The following GRAMD4 variants were observed in gnomAD, a reference collection of about 807,000 sequenced individuals.
GRAMD4 encodes GRAM domain containing 4.
GRAMD4 carries 25 observed loss-of-function variants against 83.9 expected under a neutral mutation model. The observed-to-expected ratio is 0.30, with a 90% CI of 0.22 to 0.42. The LOEUF (loss-of-function observed/expected upper bound fraction) is 0.42, where lower values mean the gene tolerates loss of function less well. GRAMD4 is among the 10% of genes least tolerant of loss of function. The pLI is 1.00. For synonymous variants in GRAMD4, 336 were observed against 320.9 expected, an observed-to-expected ratio of 1.05 and a Z score of -0.50; for missense variants, 593 against 788.7, an observed-to-expected ratio of 0.75 and a Z score of 2.97.
At chr22:46,671,162 C>G (rs534351735) in intron 13 of GRAMD4, 95 of 454,436 alleles carry the variant, frequency 2.1e-4, no homozygotes, top group South Asian at 9.5e-4. Flanking sequence ...GGGTCGGCCA[C>G]CACGTGGAGG....
At position 46,677,232 on chromosome 22, in the gene GRAMD4, C is replaced by T. The variant is rs759310026; in HGVS notation, c.1718C>T (p.Ala573Val). Reference sequence around the variant, plus strand: ...TACATCAAGATCACCTCAGCGGCAGCGTCTGGCGGGGACAGCTAGTATTGA... The same window carrying T: ...TACATCAAGATCACCTCAGCGGCAGTGTCTGGCGGGGACAGCTAGTATTGA... Reference protein sequence around the residue: ...SQYIKITSAAASGGDS With the variant: ...SQYIKITSAAVSGGDS Residue 573 changes from alanine (A) to valine (V), a missense_variant, in exon 19 of 19, where the codon GCG becomes GTG. By Grantham distance (64) the Ala-to-Val change is moderately conservative. Transcript: ENST00000406902. 34 of 1,613,242 alleles carry T rather than the reference C, an allele frequency of 2.1e-5. No individual in the cohort carries two copies. The highest frequency in any genetic ancestry group is 1.2e-4 in the Admixed American group (7 of 59,988).
chr22:46,580,268 G>A (rs1374195113), intron 1 of GRAMD4, among the ~76,000 whole-genome samples: 3 of 152,210 alleles, frequency 2.0e-5, no homozygotes, highest in Admixed American at 6.5e-5. Context: ...TCTGCTGGGC[G>A]CCTCCGAGGC....
At chr22:46,636,041 C>CT (rs2081881882) in intron 2 of GRAMD4, among the ~76,000 whole-genome samples, 1 of 152,150 alleles carries the variant, frequency 6.6e-6, no homozygotes, top group Non-Finnish European at 1.5e-5. Context: ...TTCATGGGGA[C>CT]GTTTAGCCCC....
At position 46,665,624 on chromosome 22, in the gene GRAMD4, A is replaced by T. The variant is rs559948068; in HGVS notation, c.727A>T (p.Asn243Tyr). The T allele has an allele frequency of 6.3e-7, 1 of 1,585,484 alleles. No individual in the cohort carries two copies. The highest frequency in any genetic ancestry group is 2.2e-5 in the East Asian group (1 of 44,720). ...TSAIAFTVYM[N>Y]AVWHGWAIPL... ...TGTCTCTCACCCGCAGGTGTACATG[A>T]ATGCCGTGTGGCATGGCTGGGCCAT... is the stretch of plus-strand genomic sequence containing the variant. The change falls in exon 9 of 19, where the codon AAT (asparagine) becomes TAT (tyrosine). Residue 243 changes from asparagine to tyrosine, a missense_variant. By Grantham distance (143) the Asn-to-Tyr change is moderately radical (BLOSUM62 -2). Coordinates refer to ENST00000406902, the MANE Select transcript of GRAMD4 (RefSeq NM_015124.5).
chr22:46,589,089 C>T (rs559657280), intron 1 of GRAMD4, among the ~76,000 whole-genome samples: 15 of 152,002 alleles, frequency 9.9e-5, no homozygotes, highest in Middle Eastern at 3.4e-3. Context: ...CGGCAGGGGG[C>T]GGGGGGACCT....
chr22:46,662,841 G>A (rs2082348990), intron 5 of GRAMD4, among the ~76,000 whole-genome samples, 199 bp from the exon 6 acceptor site: 1 of 152,188 alleles, frequency 6.6e-6, no homozygotes, highest in Non-Finnish European at 1.5e-5. Context: ...TTTGCACTTG[G>A]TGTCTTCAGA....
chr22:46,583,400 A>G (rs2081116958), intron 1 of GRAMD4, among the ~76,000 whole-genome samples: 1 of 152,246 alleles, frequency 6.6e-6, no homozygotes, highest in Non-Finnish European at 1.5e-5. Flanking sequence ...TAGCCAAAGT[A>G]CATAGTTTGT....
intron 3 of GRAMD4, among the ~76,000 whole-genome samples, chr22:46,646,347 A>G (rs796862261): frequency 1.3e-5 from 2 of 152,378 alleles, no homozygotes; most frequent in African/African-American, 4.8e-5. Flanking sequence ...TACAGGGATC[A>G]GAGTGGCTGG....
chr22:46,647,963 G>A (rs779187941), intron 3 of GRAMD4, among the ~76,000 whole-genome samples: 11 of 152,232 alleles, frequency 7.2e-5, no homozygotes, highest in Non-Finnish European at 1.0e-4. Flanking sequence ...GGAGTCATAT[G>A]GGAGGGAGTA....
chr22:46,666,788 C>T (rs376598828), intron 9 of GRAMD4, 37 bp from the exon 10 acceptor site: 96 of 1,579,572 alleles, frequency 6.1e-5, no homozygotes, highest in South Asian at 3.7e-4. Context: ...ACTCAGGTGG[C>T]GCTGTCCTAA....
intron 1 of GRAMD4, among the ~76,000 whole-genome samples, chr22:46,596,105 G>T (rs147806404): frequency 2.0e-5 from 3 of 152,366 alleles, no homozygotes; most frequent in East Asian, 3.9e-4. Context: ...GCATAGTTCT[G>T]GATCAGCACC....
At chr22:46,658,329 C>T (rs1207406432) in intron 4 of GRAMD4, 22 bp downstream of exon 4, 5 of 1,582,870 alleles carry the variant, frequency 3.2e-6, no homozygotes, top group Non-Finnish European at 4.3e-6. Flanking sequence ...TCCTCGGGGC[C>T]CTGGCCTGTG....
intron 1 of GRAMD4, among the ~76,000 whole-genome samples, chr22:46,601,903 C>G (rs1406889550): frequency 6.6e-6 from 1 of 152,212 alleles, no homozygotes; most frequent in African/African-American, 2.4e-5. Flanking sequence ...CTTCAGCCCC[C>G]AGTTCATATC....
intron 2 of GRAMD4, among the ~76,000 whole-genome samples, chr22:46,628,428 G>A (rs1222182471): frequency 6.6e-6 from 1 of 151,488 alleles, no homozygotes; most frequent in African/African-American, 2.4e-5. Context: ...TGTGCGTGGT[G>A]TCTGAGGGGC....
In GRAMD4 at chr22:46,672,773, A is replaced by C; in HGVS notation, c.1085-70A>C. 1 of 1,285,700 alleles carries C rather than the reference A, an allele frequency of 7.8e-7. No individual in the cohort carries two copies. The highest frequency in any genetic ancestry group is 1.1e-6 in the Non-Finnish European group (1 of 907,804). The allele number at this position is 1,285,700 out of a possible 1,614,324, so 79.6% of individuals were successfully genotyped here. A position where few individuals can be genotyped will look rare whatever the true frequency, so the allele number is the denominator to read the frequency against. ...AATCTGGGAGGTGGGAGGTGCCGGA[A>C]CCATCACCCTGAGTAGACTGGCATA... On this transcript the variant is annotated intron_variant, in intron 13 of 18. Coordinates refer to ENST00000406902, the MANE Select transcript of GRAMD4 (RefSeq NM_015124.5). This position sits in a 1 kb window ranked among gnomAD's most constrained non-coding sequence, Gnocchi z 4.7.
intron 3 of GRAMD4, among the ~76,000 whole-genome samples, chr22:46,653,543 C>CT (rs1480476555): frequency 6.6e-6 from 1 of 152,220 alleles, no homozygotes; most frequent in Non-Finnish European, 1.5e-5. Flanking sequence ...TGTCCCTGGG[C>CT]TGGGACTGGC....
At chr22:46,653,494 A>G (rs1346110796) in intron 3 of GRAMD4, among the ~76,000 whole-genome samples, 3 of 152,182 alleles carry the variant, frequency 2.0e-5, no homozygotes, top group Admixed American at 6.5e-5. Flanking sequence ...ATGGCATCCC[A>G]GGCTCCAGGA....
At chr22:46,623,485 T>C (rs1221369512) in intron 1 of GRAMD4, among the ~76,000 whole-genome samples, 1 of 152,136 alleles carries the variant, frequency 6.6e-6, no homozygotes, top group Non-Finnish European at 1.5e-5. Context: ...CCTCCCGGGT[T>C]CATGCCATTC....
rs763063495 is a variant in GRAMD4 at position 46,666,861 on chromosome 22, G to T, written c.846G>T (p.Val282=). Residue 282 remains valine, a synonymous_variant, in exon 10 of 19, where the codon GTG becomes GTT. Coordinates refer to ENST00000406902, the MANE Select transcript of GRAMD4 (RefSeq NM_015124.5). The part of the protein sequence containing the change: ...WRIQWSIVPE[V]SEPVEPPKED... ...TACAGTGGAGCATCGTGCCCGAAGTGTCTGAGCCCGTGGTAAGTCCCTGGA... is the reference window on the plus strand; with the variant it reads ...TACAGTGGAGCATCGTGCCCGAAGTTTCTGAGCCCGTGGTAAGTCCCTGGA... 6.3e-7 allele frequency: 1 copy of T among 1,599,730 alleles called. No homozygotes were observed. The highest frequency in any genetic ancestry group is 8.5e-7 in the Non-Finnish European group (1 of 1,173,126).
Sources: allele counts gnomAD v4.1 joint callset (sites outside exome capture counted in the v4.1 genomes callset), GRCh38; gene constraint gnomAD v4.1.1; non-coding constraint Gnocchi (gnomAD v3.1); transcripts MANE v1.5; gene names NCBI Gene and HGNC (gene_info 2026-07-23, HGNC 2026-07-21).